The following TSPOAP1 variants were observed in gnomAD, a reference collection of about 807,000 sequenced individuals.
The protein encoded by TSPOAP1 is peripheral-type benzodiazepine receptor-associated protein 1.
A neutral mutation model predicts 197.0 loss-of-function variants in TSPOAP1; 87 were observed. That is an observed-to-expected ratio of 0.44 (90% CI 0.37 to 0.53). TSPOAP1 has a LOEUF of 0.53. TSPOAP1 is among the 20% of genes least tolerant of loss of function. The pLI, the probability that TSPOAP1 is intolerant of heterozygous loss-of-function variation, is 0.00. For synonymous variants in TSPOAP1, 913 were observed against 998.9 expected, an observed-to-expected ratio of 0.91 and a Z score of 1.62; for missense variants, 2,174 against 2,411.3, an observed-to-expected ratio of 0.90 and a Z score of 2.06.
rs61747227 is a variant in TSPOAP1 at position 58,320,564 on chromosome 17, C to G, written c.1440G>C (p.Gln480His). The change falls in exon 11 of 32, where the codon CAG becomes CAC. Residue 480 changes from glutamine to histidine, a missense_variant. This residue lies in a region of TSPOAP1 where 1,933 missense variants were observed against 2,139.0 expected (regional missense o/e 0.90). Transcript: ENST00000343736. The stretch of plus-strand genomic sequence containing the variant: ...GCTGCACGGCTCCTTCATGTTCCCT[C>G]TGGGCTTCAGCCTGGGCCTACAGGT... ...RRLQQAQAEA[Q>H]REHEGAVQLL... 2.1e-3 allele frequency: 3,073 copies of G among 1,472,190 alleles called. 70 individuals carry two copies. The African/African-American group carries it at 0.04, about 19-fold the overall frequency. 91.2% of individuals were successfully genotyped at this position (1,472,190 alleles called of 1,614,324 possible).
In TSPOAP1 at chr17:58,306,509, G is replaced by A. The variant is rs1233890849; in HGVS notation, c.5153-96C>T. The A allele has an allele frequency of 2.4e-6, 3 of 1,225,442 alleles. No individual in the cohort carries two copies. In the African/African-American group the frequency reaches 4.6e-5, roughly 19 times the overall value. The allele number at this position is 1,225,442 out of a possible 1,614,324, so 75.9% of individuals were successfully genotyped here. ...CCTCTCAGGGCCGTGCTAGGTTACTGAGCTTGTTTCGTAAGGGCATTCATC... is the reference window on the plus strand; with the variant it reads ...CCTCTCAGGGCCGTGCTAGGTTACTAAGCTTGTTTCGTAAGGGCATTCATC... On this transcript the variant is annotated intron_variant, in intron 25 of 31. Coordinates refer to ENST00000343736, the MANE Select transcript of TSPOAP1 (RefSeq NM_004758.4).
Position 58,324,803 on chromosome 17 carries a change from G to GCGCT in TSPOAP1, c.942+4_942+7dup, listed in dbSNP as rs1433629874. 6.9e-7 allele frequency: 1 copy of GCGCT among 1,450,646 alleles called. No homozygotes were observed. The highest frequency in any genetic ancestry group is 1.4e-5 in the African/African-American group (1 of 69,226). The allele number at this position is 1,450,646 out of a possible 1,614,324, so 89.9% of individuals were successfully genotyped here. A position where few individuals can be genotyped will look rare whatever the true frequency, so the allele number is the denominator to read the frequency against. On this transcript the variant is annotated splice_region_variant and intron_variant, in intron 5 of 31. Coordinates refer to ENST00000343736, the MANE Select transcript of TSPOAP1 (RefSeq NM_004758.4). The surrounding 1 kb of genome is among the most constrained non-coding windows in gnomAD (Gnocchi z 5.8). ...CACCCACACACCTGCCCTTGCGCCG[G>GCGCT]CGCTCACCTCTCCCGGGGCCCCGGG...
Position 58,323,524 on chromosome 17 carries a change from C to A in TSPOAP1, c.964G>T (p.Asp322Tyr). The A allele has an allele frequency of 6.2e-7, 1 of 1,614,142 alleles. No homozygotes were observed. Among genetic ancestry groups the A allele is most frequent in the South Asian group, 1.1e-5 (1 of 91,084 alleles). The change falls in exon 6 of 32, where the codon GAC (aspartate) becomes TAC (tyrosine). Residue 322 changes from aspartate to tyrosine, a missense_variant. By Grantham distance (160) the Asp-to-Tyr change is radical. Coordinates refer to ENST00000343736, the MANE Select transcript of TSPOAP1 (RefSeq NM_004758.4). The part of the protein sequence containing the change: ...PGEATPQEDA[D>Y]NLPVILGEPE... The stretch of plus-strand genomic sequence containing the variant: ...TCCCCTAGAATCACGGGTAGGTTGT[C>A]CGCATCCTCCTGGGGCGTGGCCTGG...
intron 20 of TSPOAP1, 91 bp downstream of exon 20, chr17:58,310,421 G>C: frequency 6.4e-7 from 1 of 1,551,132 alleles, no homozygotes; most frequent in Non-Finnish European, 8.8e-7. Flanking sequence ...GCAGAGGACA[G>C]GCAGAGAGGG....
At chr17:58,318,500 G>A (rs1391353401) in intron 13 of TSPOAP1, 48 bp from the exon 14 acceptor site, 2 of 1,561,560 alleles carry the variant, frequency 1.3e-6, no homozygotes, top group African/African-American at 1.4e-5. Context: ...CCTGAGGAGG[G>A]ACCAGGAGAT....
Position 58,304,909 on chromosome 17 carries a change from C to T in TSPOAP1, c.5544+152G>A. 4.2e-6 allele frequency: 3 copies of T among 713,514 alleles called. No homozygotes were observed. The highest frequency in any genetic ancestry group is 7.7e-6 in the Non-Finnish European group (3 of 390,136). 44.2% of individuals were successfully genotyped at this position (713,514 alleles called of 1,614,324 possible). A position where few individuals can be genotyped will look rare whatever the true frequency, so the allele number is the denominator to read the frequency against. ...GGGGCAGCTGCTTGGTGGGGCTCCC[C>T]TCTGGTGGTCAATTAGCGGCTGCAC... On this transcript the variant is annotated intron_variant, in intron 30 of 31. Coordinates refer to ENST00000343736, the MANE Select transcript of TSPOAP1 (RefSeq NM_004758.4). The surrounding 1 kb of genome is among the most constrained non-coding windows in gnomAD (Gnocchi z 4.2).
At position 58,309,663 on chromosome 17, in the gene TSPOAP1, C is replaced by T. The variant is rs1286649002; in HGVS notation, c.3892-283G>A. Among the ~76,000 whole-genome samples the T allele has an allele frequency of 6.6e-6, 1 of 152,188 alleles. No homozygotes were observed. Among genetic ancestry groups the T allele is most frequent in the Admixed American group, 6.5e-5 (1 of 15,284 alleles). On this transcript the variant is annotated intron_variant, in intron 21 of 31. Transcript: ENST00000343736. The surrounding 1 kb of genome is among the most constrained non-coding windows in gnomAD (Gnocchi z 5.0). Reference sequence around the variant, plus strand: ...AGCATTGAGGAGCAGGCCTCCCCATCCCCTCCCCAGAAGCTACCAGCACAA... The same window carrying T: ...AGCATTGAGGAGCAGGCCTCCCCATTCCCTCCCCAGAAGCTACCAGCACAA...
Position 58,305,000 on chromosome 17 carries a change from C to T in TSPOAP1, c.5544+61G>A, listed in dbSNP as rs1218434799. The T allele has an allele frequency of 1.6e-5, 21 of 1,329,864 alleles. No individual in the cohort carries two copies. Among genetic ancestry groups the T allele is most frequent in the Non-Finnish European group, 2.2e-5 (20 of 920,890 alleles). 82.4% of individuals were successfully genotyped at this position (1,329,864 alleles called of 1,614,324 possible). A position where few individuals can be genotyped will look rare whatever the true frequency, so the allele number is the denominator to read the frequency against. On this transcript the variant is annotated intron_variant, in intron 30 of 31. Coordinates refer to ENST00000343736, the MANE Select transcript of TSPOAP1 (RefSeq NM_004758.4). The surrounding 1 kb of genome is among the most constrained non-coding windows in gnomAD (Gnocchi z 4.2). ...CCCCTGCCGCAACACTGCCCTGGCC[C>T]TACCACCCCACCAGTAGGGTAGACT...
Position 58,324,706 on chromosome 17 carries a change from C to G in TSPOAP1, c.942+105G>C. 1 of 1,035,704 alleles carries G rather than the reference C, an allele frequency of 9.7e-7. No individual in the cohort carries two copies. The highest frequency in any genetic ancestry group is 1.3e-6 in the Non-Finnish European group (1 of 762,222). 64.2% of individuals were successfully genotyped at this position (1,035,704 alleles called of 1,614,324 possible). A position where few individuals can be genotyped will look rare whatever the true frequency, so the allele number is the denominator to read the frequency against. ...CAGCCCCTGGGAGTGCGCACACCACCACTGAGTCCTTGGGGTTCTGAGCAC... is the reference window on the plus strand; with the variant it reads ...CAGCCCCTGGGAGTGCGCACACCACGACTGAGTCCTTGGGGTTCTGAGCAC... On this transcript the variant is annotated intron_variant, in intron 5 of 31. Transcript: ENST00000343736. The surrounding 1 kb of genome is among the most constrained non-coding windows in gnomAD (Gnocchi z 5.8).
rs371812599 is a variant in TSPOAP1, at chr17:58,323,046, G to C, written c.1105-7C>G. Reference sequence around the variant, plus strand: ...CTTGTCTCAGCTGCAGTTCCTGAGCGGGCAGAGGAGCTCTCAGGAGGGAGC... The same window carrying C: ...CTTGTCTCAGCTGCAGTTCCTGAGCCGGCAGAGGAGCTCTCAGGAGGGAGC... On this transcript the variant is annotated splice_region_variant and splice_polypyrimidine_tract_variant and intron_variant, in intron 7 of 31. Transcript: ENST00000343736. 6.2e-7 allele frequency: 1 copy of C among 1,602,774 alleles called. No homozygotes were observed. The highest frequency in any genetic ancestry group is 1.3e-5 in the African/African-American group (1 of 74,892).
rs1189281773 is a variant in TSPOAP1, at chr17:58,305,181, A to C, written c.5434-10T>G. Reference sequence around the variant, plus strand: ...GTCCATTTAATTCCCCCTGGAGAGAAGAGGCCGGTGAGACTGAGATCAGGA... The same window carrying C: ...GTCCATTTAATTCCCCCTGGAGAGACGAGGCCGGTGAGACTGAGATCAGGA... On this transcript the variant is annotated splice_polypyrimidine_tract_variant and intron_variant, in intron 29 of 31. Transcript: ENST00000343736. 55 of 1,598,422 alleles carry C rather than the reference A, an allele frequency of 3.4e-5. No homozygotes were observed. Among genetic ancestry groups the C allele is most frequent in the Non-Finnish European group, 4.5e-5 (53 of 1,165,870 alleles).
At chr17:58,308,255 T>C (rs1970969467) in intron 22 of TSPOAP1, among the ~76,000 whole-genome samples, 1 of 152,240 alleles carries the variant, frequency 6.6e-6, no homozygotes, top group African/African-American at 2.4e-5. Context: ...GGCATCACAG[T>C]CAGCGTCCTG....
At chr17:58,306,447 G>T in intron 25 of TSPOAP1, 34 bp from the exon 26 acceptor site, 2 of 1,534,464 alleles carry the variant, frequency 1.3e-6, no homozygotes, top group Non-Finnish European at 1.8e-6. Context: ...AGCGAGGCAG[G>T]GGAGGTGGGA....
intron 14 of TSPOAP1, among the ~76,000 whole-genome samples, chr17:58,316,758 A>T (rs192178918): frequency 6.6e-6 from 1 of 152,356 alleles, no homozygotes; most frequent in Admixed American, 6.5e-5. Context: ...GGGCAGGGGC[A>T]GTGGGGATAA....
rs760305904 is a variant in TSPOAP1, at chr17:58,319,277, G to C, written c.1512C>G (p.Leu504=). 1.3e-6 allele frequency: 2 copies of C among 1,586,864 alleles called. No homozygotes were observed. Among genetic ancestry groups the C allele is most frequent in the Non-Finnish European group, 1.7e-6 (2 of 1,166,600 alleles). ...LDSMQARVRE[L]EEQCRSQTEQ... is the part of the protein sequence containing the mutation. The stretch of plus-strand genomic sequence containing the variant: ...CGGTTTGGCTGCGGCACTGTTCTTC[G>C]AGCTCTCGAACCCGGGCCTGGGCCA... The change falls in exon 13 of 32, where the codon CTC becomes CTG. Residue 504 remains leucine (L), a synonymous_variant. Transcript: ENST00000343736.
Position 58,309,387 on chromosome 17 carries a change from G to A in TSPOAP1, c.3892-7C>T. ...AAAAGGGGTCGGGCTGGGACTGGTG[G>A]AGGTGGGGAGGTGGGAGTAGAACAC... is the stretch of plus-strand genomic sequence containing the variant. On this transcript the variant is annotated splice_region_variant and splice_polypyrimidine_tract_variant and intron_variant, in intron 21 of 31. Coordinates refer to ENST00000343736, the MANE Select transcript of TSPOAP1 (RefSeq NM_004758.4). The surrounding 1 kb of genome is among the most constrained non-coding windows in gnomAD (Gnocchi z 5.0). 1 of 1,600,000 alleles carries A rather than the reference G, an allele frequency of 6.3e-7. No individual in the cohort carries two copies. The highest frequency in any genetic ancestry group is 8.5e-7 in the Non-Finnish European group (1 of 1,174,818).
chr17:58,316,181 C>T, intron 15 of TSPOAP1, 49 bp from the exon 16 acceptor site: 1 of 1,413,760 alleles, frequency 7.1e-7, no homozygotes, highest in East Asian at 2.3e-5. Flanking sequence ...CTACACTCCA[C>T]TTCCATGTCC....
In TSPOAP1 at chr17:58,301,430, C is replaced by A. The variant is rs1170022788; in HGVS notation, c.*1050G>T. ...TCGGGTAACGGCGGAGAACCCCTAC[C>A]CCACTCTGAACAGGGAATGTATGAA... On this transcript the variant is annotated 3_prime_UTR_variant, in exon 32 of 32. Coordinates refer to ENST00000343736, the MANE Select transcript of TSPOAP1 (RefSeq NM_004758.4). 1 of 152,564 alleles carries A rather than the reference C, an allele frequency of 6.6e-6. No individual in the cohort carries two copies. Among genetic ancestry groups the A allele is most frequent in the Non-Finnish European group, 1.5e-5 (1 of 68,042 alleles). 9.5% of individuals were successfully genotyped at this position (152,564 alleles called of 1,614,324 possible). A position where few individuals can be genotyped will look rare whatever the true frequency, so the allele number is the denominator to read the frequency against.
intron 16 of TSPOAP1, among the ~76,000 whole-genome samples, chr17:58,315,584 AC>A (rs1430781152): frequency 6.6e-6 from 1 of 152,142 alleles, no homozygotes. Context: ...GCTTGAGAAC[AC>A]CTTCCCCTGG....
Sources: allele counts gnomAD v4.1 joint callset (sites outside exome capture counted in the v4.1 genomes callset), GRCh38; gene constraint gnomAD v4.1.1; regional missense constraint gnomAD v4.1.1; non-coding constraint Gnocchi (gnomAD v3.1); transcripts MANE v1.5; gene names NCBI Gene and HGNC (gene_info 2026-07-23, HGNC 2026-07-21).